Variants in RPS6KC1 observed in about 807,000 individuals in gnomAD.
RPS6KC1 encodes ribosomal protein S6 kinase C1, also known as inactive ribosomal protein S6 kinase delta-1.
A neutral mutation model predicts 103.8 loss-of-function variants in RPS6KC1; 54 were observed. The observed-to-expected ratio is 0.52, with a 90% CI of 0.42 to 0.65. The LOEUF is 0.65. RPS6KC1 is among the 30% of genes least tolerant of loss of function. RPS6KC1 has a pLI of 0.00. For missense variants in RPS6KC1, 1,151 were observed against 1,253.8 expected (o/e 0.92, Z 1.24); for synonymous variants, 439 against 438.7 (o/e 1.00, Z -0.01).
Position 213,176,488 on chromosome 1 carries a change from A to G in RPS6KC1, c.1040A>G (p.Asp347Gly). 1 of 1,590,314 alleles carries G rather than the reference A, an allele frequency of 6.3e-7. No homozygotes were observed. Among genetic ancestry groups the G allele is most frequent in the Non-Finnish European group, 8.6e-7 (1 of 1,161,548 alleles). Residue 347 changes from aspartate (D) to glycine (G), a missense_variant, in exon 8 of 15, where the codon GAC becomes GGC. This residue lies in a region of RPS6KC1 where 959 missense variants were observed against 1,006.3 expected (regional missense o/e 0.95). Coordinates refer to ENST00000366960, the MANE Select transcript of RPS6KC1 (RefSeq NM_012424.6). ...LKAFRVLGVI[D>G]KVLLVMDTRT... is the part of the protein sequence containing the mutation. ...GCCTTCAGAGTCCTTGGGGTGATTG[A>G]CAAGGTAATTCTTCAGTGTCTCTTC... is the stretch of plus-strand genomic sequence containing the variant.
At chr1:213,244,667 C>T (rs1303901169) in intron 12 of RPS6KC1, among the ~76,000 whole-genome samples, 2 of 152,138 alleles carry the variant, frequency 1.3e-5, no homozygotes, top group African/African-American at 4.8e-5. Flanking sequence ...TCAACAGATA[C>T]ACACTTTCAA....
At chr1:213,607,761 A>T in the RPS6KC1 span, among the ~76,000 whole-genome samples, 2 of 151,662 alleles carry the variant, frequency 1.3e-5, no homozygotes, top group African/African-American at 4.9e-5. Context: ...TTCTTTCCTT[A>T]TCTCAACTTT....
At chr1:213,102,996 C>A (rs1420802844) in intron 3 of RPS6KC1, among the ~76,000 whole-genome samples, 1 of 152,024 alleles carries the variant, frequency 6.6e-6, no homozygotes, top group Non-Finnish European at 1.5e-5. Flanking sequence ...CACTTGCATC[C>A]AGGAATTCGA....
the RPS6KC1 span, among the ~76,000 whole-genome samples, chr1:213,667,312 C>T: frequency 6.6e-6 from 1 of 152,050 alleles, no homozygotes; most frequent in Non-Finnish European, 1.5e-5. Context: ...GGTTCCAGAC[C>T]ACAACAATAA....
At chr1:213,128,540 T>C (rs1449659721) in intron 5 of RPS6KC1, among the ~76,000 whole-genome samples, 1 of 152,194 alleles carries the variant, frequency 6.6e-6, no homozygotes, top group Non-Finnish European at 1.5e-5. Context: ...TTTACCATGA[T>C]GTCAGTTATA....
At chr1:213,258,211 GA>G (rs1429134831) in intron 12 of RPS6KC1, among the ~76,000 whole-genome samples, 2 of 152,004 alleles carry the variant, frequency 1.3e-5, no homozygotes, top group African/African-American at 2.4e-5. Flanking sequence ...TCGATCTCCT[GA>G]CCTCATGATC....
At chr1:213,388,453 G>T in the RPS6KC1 span, among the ~76,000 whole-genome samples, 3 of 152,168 alleles carry the variant, frequency 2.0e-5, no homozygotes, top group Admixed American at 6.5e-5. Flanking sequence ...GGGGCCTGGT[G>T]GGGGGCAGGA....
intron 8 of RPS6KC1, among the ~76,000 whole-genome samples, chr1:213,208,692 C>T (rs552781497): frequency 6.6e-6 from 1 of 152,128 alleles, no homozygotes; most frequent in Non-Finnish European, 1.5e-5. Flanking sequence ...GAATGATGTC[C>T]TCACCATTTG....
chr1:213,176,587 A>G, intron 8 of RPS6KC1, 95 bp downstream of exon 8: 2 of 810,078 alleles, frequency 2.5e-6, no homozygotes, highest in Non-Finnish European at 3.9e-6. Context: ...ATATGAAACA[A>G]AAGGAGAAAA....
chr1:213,418,448 G>A, the RPS6KC1 span, among the ~76,000 whole-genome samples: 2 of 152,112 alleles, frequency 1.3e-5, no homozygotes, highest in African/African-American at 4.8e-5. Context: ...GGGTGCTCTG[G>A]CCTGCTAGAC....
the RPS6KC1 span, among the ~76,000 whole-genome samples, chr1:213,402,156 A>C: frequency 1.3e-5 from 2 of 152,220 alleles, no homozygotes; most frequent in Non-Finnish European, 2.9e-5. Flanking sequence ...GGTGTCACAG[A>C]CATGGCTCTT....
At chr1:213,197,062 CTT>C (rs1446228959) in intron 8 of RPS6KC1, among the ~76,000 whole-genome samples, 1 of 152,156 alleles carries the variant, frequency 6.6e-6, no homozygotes, top group Non-Finnish European at 1.5e-5. Context: ...GTCTTGAACT[CTT>C]GACCTCAGGC....
the RPS6KC1 span, among the ~76,000 whole-genome samples, chr1:213,834,997 C>T: frequency 6.6e-6 from 1 of 152,074 alleles, no homozygotes; most frequent in Admixed American, 6.5e-5. Context: ...GAAAAAACAC[C>T]AGACACTATA....
chr1:213,146,570 C>T (rs551410141), intron 6 of RPS6KC1, among the ~76,000 whole-genome samples: 40 of 151,768 alleles, frequency 2.6e-4, no homozygotes, highest in African/African-American at 8.5e-4. Context: ...TGATTACAGG[C>T]GCCCGCCACC....
the RPS6KC1 span, among the ~76,000 whole-genome samples, chr1:213,519,042 C>T: frequency 3.3e-5 from 5 of 152,170 alleles, no homozygotes; most frequent in Admixed American, 3.3e-4. Flanking sequence ...ATAACAACTA[C>T]ATTCTCAGCA....
the RPS6KC1 span, among the ~76,000 whole-genome samples, chr1:213,689,721 G>A: frequency 6.6e-6 from 1 of 152,214 alleles, no homozygotes; most frequent in African/African-American, 2.4e-5. Flanking sequence ...TTGTTTGAGA[G>A]CTGTTGAAAA....
the RPS6KC1 span, among the ~76,000 whole-genome samples, chr1:213,651,929 G>C: frequency 0.18 from 26,812 of 151,978 alleles, 2,809 homozygotes; most frequent in Admixed American, 0.28. Context: ...GTACCATTCA[G>C]GCCTCAGTTC....
chr1:213,195,855 T>C (rs1484972083), intron 8 of RPS6KC1, among the ~76,000 whole-genome samples: 15 of 151,902 alleles, frequency 9.9e-5, no homozygotes. Flanking sequence ...TGTATATATA[T>C]ACCATATTTT....
At chr1:213,265,648 C>T (rs1320155224) in intron 14 of RPS6KC1, among the ~76,000 whole-genome samples, 1 of 152,160 alleles carries the variant, frequency 6.6e-6, no homozygotes, top group Non-Finnish European at 1.5e-5. Flanking sequence ...CAAATCGTAG[C>T]AACTACTAAT....
Sources: gnomAD v4.1 joint callset for allele counts (sites outside exome capture counted in the v4.1 genomes callset) on GRCh38, gnomAD v4.1.1 for gene constraint, gnomAD v4.1.1 regional missense constraint, MANE v1.5 for transcripts, NCBI Gene and HGNC (gene_info 2026-07-23, HGNC 2026-07-21) for gene names.